The following SRP68 variants were observed in gnomAD, a reference collection of about 807,000 sequenced individuals.
The protein encoded by SRP68 is signal recognition particle 68.
Under a neutral mutation model 82.2 loss-of-function variants are expected in SRP68, and 15 were observed. The observed-to-expected ratio is 0.18, with a 90% CI of 0.12 to 0.28. SRP68 has a LOEUF of 0.28. Ranked by LOEUF, SRP68 falls within the 10% of genes least tolerant of loss-of-function variation. The pLI, the probability that SRP68 is intolerant of heterozygous loss-of-function variation, is 1.00. For missense variants in SRP68, 595 were observed against 780.5 expected (o/e 0.76, Z 2.83); for synonymous variants, 261 against 292.6 (o/e 0.89, Z 1.10).
intron 3 of SRP68, among the ~76,000 whole-genome samples, chr17:76,065,329 G>A (rs1447279925): frequency 6.6e-6 from 1 of 150,766 alleles, no homozygotes; most frequent in Non-Finnish European, 1.5e-5. Flanking sequence ...GGTGGTACAT[G>A]CCTATAGTCC....
chr17:76,048,130 TA>T, intron 9 of SRP68, 160 bp from the exon 10 acceptor site: 2 of 361,742 alleles, frequency 5.5e-6, no homozygotes, highest in Non-Finnish European at 1.0e-5. Context: ...TGACATAATC[TA>T]GAATGACAGT....
rs1337059735 is a variant in SRP68, at chr17:76,039,017, T to A, written c.*689A>T. On this transcript the variant is annotated 3_prime_UTR_variant, in exon 16 of 16. Transcript: ENST00000307877. ...TAGTTGCCGGTAAGTCAGGTTACAC[T>A]TGACCTCACCGGCTTCACGCAACTA... 11 of 204,806 alleles carry A rather than the reference T, an allele frequency of 5.4e-5. No individual in the cohort carries two copies. The East Asian group carries it at 6.6e-4, about 12-fold the overall frequency. The allele number at this position is 204,806 out of a possible 1,614,324, so 12.7% of individuals were successfully genotyped here.
Position 76,072,365 on chromosome 17 carries a change from G to T in SRP68, c.127C>A (p.Arg43Ser). 1 of 1,612,570 alleles carries T rather than the reference G, an allele frequency of 6.2e-7. No individual in the cohort carries two copies. Among genetic ancestry groups the T allele is most frequent in the Non-Finnish European group, 8.5e-7 (1 of 1,179,746 alleles). Residue 43 changes from arginine (R) to serine (S), a missense_variant, in exon 1 of 16, where the codon CGC becomes AGC. By Grantham distance (110) the Arg-to-Ser change is moderately radical. This residue lies in a region of SRP68 where 100 missense variants were observed against 91.9 expected (regional missense o/e 1.09). Transcript: ENST00000307877. This position sits in a 1 kb window ranked among gnomAD's most constrained non-coding sequence, Gnocchi z 4.5. ...AGGEENKENE[R>S]PSAGSKANKE... ...TTTGCCTTCGATCCGGCCGAAGGGC[G>T]TTCGTTTTCTTTATTTTCTTCCCCT...
At chr17:76,041,987 C>G (rs1166108044) in intron 13 of SRP68, among the ~76,000 whole-genome samples, 1 of 152,038 alleles carries the variant, frequency 6.6e-6, no homozygotes, top group African/African-American at 2.4e-5. Flanking sequence ...GCGTTCACGC[C>G]ATTCTCCTGC....
chr17:76,047,924 T>C lies in SRP68; in HGVS notation c.1124A>G (p.Asn375Ser). 6.4e-7 allele frequency: 1 copy of C among 1,571,778 alleles called. No individual in the cohort carries two copies. Among genetic ancestry groups the C allele is most frequent in the Non-Finnish European group, 8.7e-7 (1 of 1,155,688 alleles). Residue 375 changes from asparagine (N) to serine (S), a missense_variant, in exon 10 of 16, where the codon AAT becomes AGT. Asn to Ser is a conservative substitution (Grantham distance 46). This residue lies in a region of SRP68 where 495 missense variants were observed against 688.6 expected (regional missense o/e 0.72). Coordinates refer to ENST00000307877, the MANE Select transcript of SRP68 (RefSeq NM_014230.4). ...ILEGEPGKVS[N>S]LQYLHSYLTY... ...CCCTTACCTATGCAAGTATTGAAGA[T>C]TAGACACCTTCCCTGGCTCTCCTTC...
Position 76,039,780 on chromosome 17 carries a change from C to T in SRP68, c.1810G>A (p.Glu604Lys). 6.2e-7 allele frequency: 1 copy of T among 1,614,196 alleles called. No individual in the cohort carries two copies. Among genetic ancestry groups the T allele is most frequent in the Non-Finnish European group, 8.5e-7 (1 of 1,180,038 alleles). ...ALNHVAFPPL[E>K]DKLEQKTKSG... ...TTGGTCTTCTGTTCCAACTTGTCCT[C>T]AAGGGGTGGGAAAGCCACATGGTTG... is the stretch of plus-strand genomic sequence containing the variant. Residue 604 changes from glutamate (E) to lysine (K), a missense_variant, in exon 16 of 16, where the codon GAG becomes AAG. Coordinates refer to ENST00000307877, the MANE Select transcript of SRP68 (RefSeq NM_014230.4).
In SRP68 at chr17:76,072,471, G is replaced by C. The variant is rs748737249; in HGVS notation, c.21C>G (p.Val7=). The C allele has an allele frequency of 6.3e-7, 1 of 1,582,054 alleles. No individual in the cohort carries two copies. Among genetic ancestry groups the C allele is most frequent in the Non-Finnish European group, 8.5e-7 (1 of 1,171,044 alleles). The change falls in exon 1 of 16, where the codon GTC becomes GTG. Residue 7 remains valine, a synonymous_variant. Coordinates refer to ENST00000307877, the MANE Select transcript of SRP68 (RefSeq NM_014230.4). The surrounding 1 kb of genome is among the most constrained non-coding windows in gnomAD (Gnocchi z 4.5). ...TGCCGCCGCCGCCGCCGCCGCCTGG[G>C]ACCTGCTTCTCAGCAGCCATCTTGC... MAAEKQ[V]PGGGGGGGSG... is the part of the protein sequence containing the mutation.
At chr17:76,064,972 C>T (rs2066795907) in intron 3 of SRP68, among the ~76,000 whole-genome samples, 3 of 152,230 alleles carry the variant, frequency 2.0e-5, no homozygotes, top group East Asian at 1.9e-4. Flanking sequence ...CCTTTCTGCG[C>T]ACCGCTCTCC....
chr17:76,063,886 TA>T, intron 4 of SRP68, 89 bp downstream of exon 4: 1 of 1,213,200 alleles, frequency 8.2e-7, no homozygotes, highest in Non-Finnish European at 1.1e-6. Flanking sequence ...TGTCACTTTC[TA>T]ACACTAAGAA....
At chr17:76,059,271 G>A (rs751987316) in intron 7 of SRP68, among the ~76,000 whole-genome samples, 5 of 152,274 alleles carry the variant, frequency 3.3e-5, no homozygotes, top group Admixed American at 6.5e-5. Flanking sequence ...TAAGCCGGGC[G>A]CGGTGGCTCA....
Position 76,072,081 on chromosome 17 carries a change from C to A in SRP68, c.184+227G>T. 1.3e-6 allele frequency: 1 copy of A among 780,792 alleles called. No individual in the cohort carries two copies. The highest frequency in any genetic ancestry group is 2.0e-6 in the Non-Finnish European group (1 of 508,666). 48.4% of individuals were successfully genotyped at this position (780,792 alleles called of 1,614,324 possible). A position where few individuals can be genotyped will look rare whatever the true frequency, so the allele number is the denominator to read the frequency against. ...GGGAAACCTGCCTGATATCCCAGTG[C>A]CACTGGAAGAAACGGACCTAGCCAG... On this transcript the variant is annotated intron_variant, in intron 1 of 15. Transcript: ENST00000307877. This position sits in a 1 kb window ranked among gnomAD's most constrained non-coding sequence, Gnocchi z 4.5.
chr17:76,049,715 T>C (rs1483890968), intron 9 of SRP68: 3 of 152,210 alleles, frequency 2.0e-5, no homozygotes, highest in Admixed American at 2.0e-4. Flanking sequence ...AGTTTATATA[T>C]GACAAATTAG....
Position 76,045,933 on chromosome 17 carries a change from T to C in SRP68, c.1299+105A>G, listed in dbSNP as rs2066626684. The C allele has an allele frequency of 2.8e-6, 4 of 1,403,778 alleles. No individual in the cohort carries two copies. The East Asian group carries it at 6.9e-5, about 24-fold the overall frequency. The allele number at this position is 1,403,778 out of a possible 1,614,324, so 87.0% of individuals were successfully genotyped here. A position where few individuals can be genotyped will look rare whatever the true frequency, so the allele number is the denominator to read the frequency against. Reference sequence around the variant, plus strand: ...TTGTCTCTTCCCAGCTACTAATAGGTCCTGCTTGTCACAGCCCTTCCGTGA... The same window carrying C: ...TTGTCTCTTCCCAGCTACTAATAGGCCCTGCTTGTCACAGCCCTTCCGTGA... On this transcript the variant is annotated intron_variant, in intron 11 of 15. Transcript: ENST00000307877.
intron 2 of SRP68, among the ~76,000 whole-genome samples, chr17:76,068,508 G>T (rs1306898988): frequency 6.6e-6 from 1 of 151,390 alleles, no homozygotes; most frequent in Non-Finnish European, 1.5e-5. Flanking sequence ...TCTAATAAAT[G>T]TAAAGAAAGC....
Position 76,062,500 on chromosome 17 carries a change from T to TA in SRP68, c.562-927dup, listed in dbSNP as rs1452013419. On this transcript the variant is annotated intron_variant, in intron 4 of 15. Transcript: ENST00000307877. Reference sequence around the variant, plus strand: ...AGAATATGGAGATATATATATATAATATATATATAATATACATTATATATT... The same window carrying TA: ...AGAATATGGAGATATATATATATAATAATATATATAATATACATTATATATT... Among the ~76,000 whole-genome samples, 852 of 95,046 alleles carry TA rather than the reference T, an allele frequency of 9.0e-3. 52 individuals carry two copies. Among genetic ancestry groups the TA allele is most frequent in the African/African-American group, 0.041 (812 of 19,644 alleles). The allele number at this position is 95,046 out of a possible 152,430, so 62.4% of individuals were successfully genotyped here. A position where few individuals can be genotyped will look rare whatever the true frequency, so the allele number is the denominator to read the frequency against.
rs1297708389 is a variant in SRP68 at position 76,040,964 on chromosome 17, C to T, written c.1539G>A (p.Val513=). The T allele has an allele frequency of 3.7e-6, 6 of 1,613,984 alleles. No individual in the cohort carries two copies. Among genetic ancestry groups the T allele is most frequent in the East Asian group, 2.2e-5 (1 of 44,882 alleles). ...FKNSLKDLPD[V]QELITQVRSE... is the part of the protein sequence containing the mutation. ...ACCGCACTTGAGTGATGAGCTCTTG[C>T]ACATCAGGCAGGTCCTGTAAGATTC... Residue 513 remains valine, a synonymous_variant, in exon 14 of 16, where the codon GTG becomes GTA. Coordinates refer to ENST00000307877, the MANE Select transcript of SRP68 (RefSeq NM_014230.4).
In SRP68 at chr17:76,057,541, A is replaced by T; in HGVS notation, c.840T>A (p.Ala280=). The T allele has an allele frequency of 6.2e-7, 1 of 1,614,176 alleles. No homozygotes were observed. The highest frequency in any genetic ancestry group is 1.1e-5 in the South Asian group (1 of 91,080). The stretch of plus-strand genomic sequence containing the variant: ...GTTTGGCTCGAGTCTGAGTGATCAA[A>T]GCCTGAAAAATAGTTTAAAAAAGTT... ...TEGLLAEKLE[A]LITQTRAKQA... Residue 280 remains alanine (A), a splice_region_variant and synonymous_variant, in exon 8 of 16, where the codon GCT becomes GCA. Transcript: ENST00000307877.
intron 4 of SRP68, among the ~76,000 whole-genome samples, chr17:76,063,448 G>A (rs1479073879): frequency 6.6e-6 from 1 of 152,130 alleles, no homozygotes; most frequent in Non-Finnish European, 1.5e-5. Context: ...CACTTTGGGA[G>A]GTCAAGGCAG....
chr17:76,039,619 T>G lies in SRP68; in HGVS notation c.*87A>C, dbSNP rs2066573830. On this transcript the variant is annotated 3_prime_UTR_variant, in exon 16 of 16. Transcript: ENST00000307877. ...CTCTTGCCCCGGGCCAATGCAGACCTGGATTTAATATCATGGAACTTGCTG... is the reference window on the plus strand; with the variant it reads ...CTCTTGCCCCGGGCCAATGCAGACCGGGATTTAATATCATGGAACTTGCTG... The G allele has an allele frequency of 7.4e-7, 1 of 1,350,558 alleles. No individual in the cohort carries two copies. The highest frequency in any genetic ancestry group is 2.4e-5 in the East Asian group (1 of 40,988). 83.7% of individuals were successfully genotyped at this position (1,350,558 alleles called of 1,614,324 possible).
Sources: gnomAD v4.1 joint callset for allele counts (sites outside exome capture counted in the v4.1 genomes callset) on GRCh38, gnomAD v4.1.1 for gene constraint, gnomAD v4.1.1 regional missense constraint, Gnocchi (gnomAD v3.1) non-coding constraint, MANE v1.5 for transcripts, NCBI Gene and HGNC (gene_info 2026-07-23, HGNC 2026-07-21) for gene names.